NALCN: variants seen among roughly 807,000 people sequenced by gnomAD.
NALCN encodes the protein sodium leak channel NALCN.
In NALCN, 111 loss-of-function variants were observed where a neutral mutation model predicts 225.3. The ratio of observed to expected loss-of-function variants is 0.49; its 90% CI spans 0.42 to 0.58. The LOEUF is 0.58. NALCN is among the 20% of genes least tolerant of loss of function. The probability of loss-of-function intolerance (pLI) is 0.00; values close to 1 mark genes in which losing one functional copy is unlikely to be tolerated. For missense variants in NALCN, 1,378 were observed against 2,202.4 expected, an observed-to-expected ratio of 0.63 and a Z score of 7.49; for synonymous variants, 764 against 769.0, an observed-to-expected ratio of 0.99 and a Z score of 0.11.
chr13:101,155,632 C>A (rs1234008579), intron 15 of NALCN, among the ~76,000 whole-genome samples: 1 of 152,140 alleles, frequency 6.6e-6, no homozygotes, highest in Admixed American at 6.6e-5. Flanking sequence ...AAGTTACATT[C>A]AGTGTTTCTC....
chr13:101,271,754 GGTGT>G (rs199551579), intron 10 of NALCN, among the ~76,000 whole-genome samples: 1 of 151,320 alleles, frequency 6.6e-6, no homozygotes, highest in Non-Finnish European at 1.5e-5. Context: ...GTATGCGTGA[GGTGT>G]GTGTGTGTAT....
At chr13:101,110,577 A>G (rs1420124345) in intron 20 of NALCN, 42 bp downstream of exon 20, 9 of 1,600,732 alleles carry the variant, frequency 5.6e-6, no homozygotes, top group South Asian at 2.2e-5. Flanking sequence ...ATACATTTTC[A>G]TAATCACGTT....
At position 101,378,578 on chromosome 13, in the gene NALCN, C is replaced by A. The variant is rs763559139; in HGVS notation, c.367G>T (p.Val123Leu). The A allele has an allele frequency of 2.5e-6, 4 of 1,605,830 alleles. No individual in the cohort carries two copies. The highest frequency in any genetic ancestry group is 2.2e-5 in the South Asian group (2 of 89,264). Reference sequence around the variant, plus strand: ...AAAAAATATTTAATTACCTGTAGCACCAAAGAAACCCAAAGGCAAAAGACC... The same window carrying A: ...AAAAAATATTTAATTACCTGTAGCAACAAAGAAACCCAAAGGCAAAAGACC... Reference protein sequence around the residue: ...FMVFCLWVSLVLQVFEIADIV... With the variant: ...FMVFCLWVSLLLQVFEIADIV... Residue 123 changes from valine (V) to leucine (L), a missense_variant, in exon 4 of 44, where the codon GTG becomes TTG. By Grantham distance (32) the Val-to-Leu change is conservative. Transcript: ENST00000251127.
chr13:101,179,687 T>C (rs903383725), intron 14 of NALCN, among the ~76,000 whole-genome samples: 3 of 152,178 alleles, frequency 2.0e-5, no homozygotes, highest in Non-Finnish European at 4.4e-5. Flanking sequence ...GACCACCATC[T>C]CAGCTCCCAA....
chr13:101,138,655 T>C (rs184163853), intron 17 of NALCN, among the ~76,000 whole-genome samples: 4 of 152,286 alleles, frequency 2.6e-5, no homozygotes, highest in Non-Finnish European at 5.9e-5. Context: ...AGAACCATCC[T>C]CAGGCCACAG....
At chr13:101,380,410 G>A (rs1379434091) in intron 3 of NALCN, among the ~76,000 whole-genome samples, 3 of 152,114 alleles carry the variant, frequency 2.0e-5, no homozygotes, top group African/African-American at 7.2e-5. Context: ...TTTAAAAAAT[G>A]CCTTTGGAAT....
At chr13:101,080,653 A>G (rs1190988734) in intron 34 of NALCN, among the ~76,000 whole-genome samples, 1 of 146,592 alleles carries the variant, frequency 6.8e-6, no homozygotes, top group Non-Finnish European at 1.5e-5. Context: ...TTAATATATA[A>G]TATATAACTA....
chr13:101,393,966 C>T (rs1006823493), intron 3 of NALCN, among the ~76,000 whole-genome samples: 1 of 152,064 alleles, frequency 6.6e-6, no homozygotes, highest in African/African-American at 2.4e-5. Flanking sequence ...AGTCTTGTTA[C>T]AAATATTTTA....
chr13:101,280,816 C>A (rs2043142009), intron 10 of NALCN, among the ~76,000 whole-genome samples: 5 of 151,420 alleles, frequency 3.3e-5, no homozygotes, highest in Admixed American at 2.6e-4. Context: ...GCATGTAGGT[C>A]TTTCTACATC....
chr13:101,180,724 C>T, intron 14 of NALCN: 1 of 224,066 alleles, frequency 4.5e-6, no homozygotes, highest in Non-Finnish European at 9.0e-6. Context: ...CTCTCCCCAT[C>T]AGGTTCCAAG....
intron 11 of NALCN, among the ~76,000 whole-genome samples, chr13:101,244,871 C>A (rs543487834): frequency 1.3e-5 from 2 of 152,172 alleles, no homozygotes; most frequent in Non-Finnish European, 2.9e-5. Flanking sequence ...TCTCAATGTG[C>A]AGCTCCAGAT....
chr13:101,241,097 A>G (rs2041742247), intron 11 of NALCN, among the ~76,000 whole-genome samples: 1 of 152,232 alleles, frequency 6.6e-6, no homozygotes, highest in African/African-American at 2.4e-5. Context: ...GACAGAAAGC[A>G]CCAGGAAACC....
chr13:101,200,180 G>T lies in NALCN; in HGVS notation c.1627-8126C>A, dbSNP rs546062487. Reference sequence around the variant, plus strand: ...TAGATAACAGGAATCTCAAGTATTTGATGTGTCATATGAAACTCCTCATGC... The same window carrying T: ...TAGATAACAGGAATCTCAAGTATTTTATGTGTCATATGAAACTCCTCATGC... On this transcript the variant is annotated intron_variant, in intron 13 of 43. Coordinates refer to ENST00000251127, the MANE Select transcript of NALCN (RefSeq NM_052867.4). Among the ~76,000 whole-genome samples, 11 of 152,104 alleles carry T rather than the reference G, an allele frequency of 7.2e-5. No homozygotes were observed. The South Asian group carries it at 2.1e-3, about 29-fold the overall frequency.
intron 15 of NALCN, among the ~76,000 whole-genome samples, chr13:101,149,290 C>CA (rs57870899): frequency 3.0e-3 from 429 of 142,230 alleles, no homozygotes; most frequent in African/African-American, 8.6e-3. Context: ...GAGACTGTCT[C>CA]AAAAAAAAAA....
intron 6 of NALCN, among the ~76,000 whole-genome samples, chr13:101,362,236 A>G (rs2046270881): frequency 6.6e-6 from 1 of 152,098 alleles, no homozygotes; most frequent in African/African-American, 2.4e-5. Context: ...ATTATACTAC[A>G]TATATTATAA....
chr13:101,180,653 C>T (rs899661338), intron 14 of NALCN: 2 of 174,622 alleles, frequency 1.1e-5, no homozygotes, highest in African/African-American at 4.7e-5. Context: ...CGAGAACTCT[C>T]AGGCAGCTGC....
chr13:101,351,162 G>A (rs2045897114), intron 6 of NALCN, among the ~76,000 whole-genome samples: 1 of 152,010 alleles, frequency 6.6e-6, no homozygotes, highest in South Asian at 2.1e-4. Context: ...TAAATCTATG[G>A]TGAATTATTT....
intron 15 of NALCN, among the ~76,000 whole-genome samples, chr13:101,158,066 ATCT>A (rs1469941886): frequency 2.0e-5 from 3 of 152,010 alleles, no homozygotes; most frequent in Admixed American, 6.6e-5. Flanking sequence ...ATTGCTCCAC[ATCT>A]TCTTCTTTTG....
chr13:101,342,030 G>T (rs1246488186), intron 7 of NALCN, among the ~76,000 whole-genome samples: 2 of 152,198 alleles, frequency 1.3e-5, no homozygotes, highest in Non-Finnish European at 2.9e-5. Context: ...GGACTTCCCA[G>T]ACTCTAGAAC....
Sources: gnomAD v4.1 joint callset for allele counts (sites outside exome capture counted in the v4.1 genomes callset) on GRCh38, gnomAD v4.1.1 for gene constraint, MANE v1.5 for transcripts, NCBI Gene and HGNC (gene_info 2026-07-23, HGNC 2026-07-21) for gene names.